NLGN1: variants seen among roughly 807,000 people sequenced by gnomAD.
NLGN1 encodes the protein neuroligin-1.
In NLGN1, 12 loss-of-function variants were observed where a neutral mutation model predicts 65.5. The observed-to-expected ratio is 0.18, with a 90% CI of 0.12 to 0.30. NLGN1 has a LOEUF of 0.30. Ranked by LOEUF, NLGN1 falls within the 10% of genes least tolerant of loss-of-function variation. The probability of loss-of-function intolerance (pLI) is 1.00; values close to 1 mark genes in which losing one functional copy is unlikely to be tolerated. For synonymous variants in NLGN1, 350 were observed against 359.5 expected (o/e 0.97, Z 0.30); for missense variants, 750 against 1,007.1 (o/e 0.74, Z 3.46).
chr3:173,490,936 A>G lies in NLGN1; in HGVS notation c.-321+55858A>G, dbSNP rs1729027487. 2.0e-5 allele frequency among the ~76,000 whole-genome samples: 3 copies of G among 150,652 alleles called. 1 individual carries two copies. Among genetic ancestry groups the G allele is most frequent in the African/African-American group, 7.5e-5 (3 of 40,022 alleles). On this transcript the variant is annotated intron_variant, in intron 2 of 6. Coordinates refer to ENST00000457714, the Ensembl canonical transcript of NLGN1. ...ATAAGAATGCTTGTGATTTTTGCACATTGATTTTGTATCCTGAGACTTTGC... is the reference window on the plus strand; with the variant it reads ...ATAAGAATGCTTGTGATTTTTGCACGTTGATTTTGTATCCTGAGACTTTGC...
intron 3 of NLGN1, among the ~76,000 whole-genome samples, chr3:173,692,068 C>A (rs147212142): frequency 1.3e-5 from 2 of 151,976 alleles, no homozygotes; most frequent in Non-Finnish European, 2.9e-5. Flanking sequence ...TTATTTTTCA[C>A]GTAGCAGTTA....
At chr3:174,040,375 T>G (rs1732010569) in intron 4 of NLGN1, among the ~76,000 whole-genome samples, 1 of 152,164 alleles carries the variant, frequency 6.6e-6, no homozygotes, top group South Asian at 2.1e-4. Context: ...AGAATGAAAG[T>G]TAAGTAGACA....
chr3:173,598,503 T>G (rs918860171), intron 2 of NLGN1, among the ~76,000 whole-genome samples: 1 of 152,186 alleles, frequency 6.6e-6, no homozygotes, highest in African/African-American at 2.4e-5. Context: ...TTTAATTTTC[T>G]TGTGAATGAA....
At chr3:174,043,530 A>C (rs933408727) in intron 4 of NLGN1, among the ~76,000 whole-genome samples, 5 of 152,240 alleles carry the variant, frequency 3.3e-5, no homozygotes, top group African/African-American at 1.2e-4. Context: ...GCCCCATGCA[A>C]GCCCAAAATC....
At chr3:174,191,270 A>G (rs538759631) in intron 4 of NLGN1, among the ~76,000 whole-genome samples, 5 of 152,238 alleles carry the variant, frequency 3.3e-5, no homozygotes, top group Admixed American at 3.3e-4. Context: ...TTGCTCTATC[A>G]AAGTTCTACT....
At chr3:173,993,343 A>T (rs1422644961) in intron 4 of NLGN1, among the ~76,000 whole-genome samples, 2 of 152,234 alleles carry the variant, frequency 1.3e-5, no homozygotes, top group East Asian at 3.8e-4. Flanking sequence ...TGTAAAAGAC[A>T]TGCCATGTGT....
At position 173,878,285 on chromosome 3, in the gene NLGN1, C is replaced by T. The variant is rs1732527948; in HGVS notation, c.646+70453C>T. Among the ~76,000 whole-genome samples the T allele has an allele frequency of 3.3e-5, 5 of 152,240 alleles. No homozygotes were observed. The South Asian group carries it at 1.0e-3, about 32-fold the overall frequency. On this transcript the variant is annotated intron_variant, in intron 4 of 6. Transcript: ENST00000457714. ...TCGAACTTCTGACCTTGTAATCCCCCTGCTTGGGCCTCTCAGAGTGCAGGG... is the reference window on the plus strand; with the variant it reads ...TCGAACTTCTGACCTTGTAATCCCCTTGCTTGGGCCTCTCAGAGTGCAGGG...
In NLGN1 at chr3:174,156,662, G is replaced by T. The variant is rs560079802; in HGVS notation, c.647-118653G>T. ...CATAAGGGGGTTCTCACTTAAGGAG[G>T]TCTTCATATTTAAGAGGTAAAGTAC... On this transcript the variant is annotated intron_variant, in intron 4 of 6. Coordinates refer to ENST00000457714, the Ensembl canonical transcript of NLGN1. Among the ~76,000 whole-genome samples, 5 of 151,742 alleles carry T rather than the reference G, an allele frequency of 3.3e-5. No individual in the cohort carries two copies. In the South Asian group the frequency reaches 1.0e-3, roughly 31 times the overall value.
intron 4 of NLGN1, among the ~76,000 whole-genome samples, chr3:174,143,462 A>G (rs1482242001): frequency 6.6e-6 from 1 of 152,216 alleles, no homozygotes; most frequent in East Asian, 1.9e-4. Flanking sequence ...GTCTCCCTCA[A>G]GATGTCGCCT....
chr3:173,441,298 C>G (rs1719158457), intron 2 of NLGN1, among the ~76,000 whole-genome samples: 1 of 152,176 alleles, frequency 6.6e-6, no homozygotes, highest in Non-Finnish European at 1.5e-5. Context: ...TGGAGTCACA[C>G]TTTTAATTTT....
chr3:173,804,560 G>A (rs996917251), intron 3 of NLGN1, among the ~76,000 whole-genome samples: 1 of 151,282 alleles, frequency 6.6e-6, no homozygotes, highest in Admixed American at 6.6e-5. Context: ...TTCAATGGTA[G>A]GCTATCTGAT....
chr3:173,761,449 C>T (rs1231925028), intron 3 of NLGN1, among the ~76,000 whole-genome samples: 1 of 151,944 alleles, frequency 6.6e-6, no homozygotes, highest in Non-Finnish European at 1.5e-5. Context: ...CCAGTGTCCA[C>T]AATCAAGTGT....
chr3:173,609,828 A>G (rs770030511), intron 3 of NLGN1, among the ~76,000 whole-genome samples: 71 of 151,984 alleles, frequency 4.7e-4, no homozygotes, highest in Non-Finnish European at 7.7e-4. Flanking sequence ...ACAGAGTATG[A>G]AAGACCAAGA....
intron 3 of NLGN1, among the ~76,000 whole-genome samples, chr3:173,738,931 T>C (rs1274272606): frequency 1.3e-5 from 2 of 152,010 alleles, no homozygotes; most frequent in African/African-American, 4.8e-5. Flanking sequence ...ACATAAAAGA[T>C]GTACAGTGAA....
intron 4 of NLGN1, among the ~76,000 whole-genome samples, chr3:173,984,074 A>G (rs1205461627): frequency 1.3e-5 from 2 of 152,202 alleles, no homozygotes; most frequent in Non-Finnish European, 2.9e-5. Flanking sequence ...AAGCAAAACA[A>G]TGTGATGCCC....
chr3:173,873,829 C>T (rs1474837772), intron 4 of NLGN1, among the ~76,000 whole-genome samples: 6 of 152,138 alleles, frequency 3.9e-5, no homozygotes, highest in Admixed American at 3.3e-4. Flanking sequence ...TCATATGTTG[C>T]GTACCTAACA....
intron 4 of NLGN1, among the ~76,000 whole-genome samples, chr3:174,025,210 A>G (rs981223305): frequency 1.1e-4 from 17 of 152,202 alleles, no homozygotes; most frequent in African/African-American, 2.9e-4. Context: ...GGCCAAATCT[A>G]TATTTTTCAA....
chr3:173,888,725 C>T (rs936379485), intron 4 of NLGN1, among the ~76,000 whole-genome samples: 11 of 151,902 alleles, frequency 7.2e-5, no homozygotes, highest in South Asian at 2.1e-4. Context: ...TTTATCGTGA[C>T]GTATTTTTTT....
At chr3:173,879,364 A>T (rs1194530735) in intron 4 of NLGN1, among the ~76,000 whole-genome samples, 1 of 152,190 alleles carries the variant, frequency 6.6e-6, no homozygotes, top group Non-Finnish European at 1.5e-5. Context: ...ACTGGGTCTA[A>T]TGCCATCTTC....
Sources: allele counts gnomAD v4.1 joint callset (sites outside exome capture counted in the v4.1 genomes callset), GRCh38; gene constraint gnomAD v4.1.1; transcripts MANE v1.5; gene names NCBI Gene and HGNC (gene_info 2026-07-23, HGNC 2026-07-21).